Variants in ZBTB3 observed in about 807,000 individuals in gnomAD.
ZBTB3 encodes the protein zinc finger and BTB domain containing 3.
A neutral mutation model predicts 30.6 loss-of-function variants in ZBTB3; 15 were observed. That is an observed-to-expected ratio of 0.49 (90% CI 0.33 to 0.75). The LOEUF is 0.75. ZBTB3 is among the 30% of genes least tolerant of loss of function. ZBTB3 has a pLI of 0.02. For synonymous variants in ZBTB3, 258 were observed against 261.7 expected (o/e 0.99, Z 0.14); for missense variants, 599 against 652.1 (o/e 0.92, Z 0.89).
chr11:62,753,302 G>T lies in ZBTB3; in HGVS notation c.363C>A (p.Ala121=), dbSNP rs755510964. 101 of 1,613,988 alleles carry T rather than the reference G, an allele frequency of 6.3e-5. No homozygotes were observed. Among genetic ancestry groups the T allele is most frequent in the Non-Finnish European group, 8.6e-5 (101 of 1,180,036 alleles). The change falls in exon 2 of 2, where the codon GCC becomes GCA. Residue 121 remains alanine (A), a synonymous_variant. Transcript: ENST00000394807. ...IVKVCKRRLQ[A]RALAEADSTK... is the part of the protein sequence containing the mutation. Reference sequence around the variant, plus strand: ...TACTGTCTGCCTCTGCCAGGGCCCGGGCTTGAAGCCGCCGCTTACACACCT... The same window carrying T: ...TACTGTCTGCCTCTGCCAGGGCCCGTGCTTGAAGCCGCCGCTTACACACCT...
Position 62,752,060 on chromosome 11 carries a change from A to G in ZBTB3, c.*30T>C, listed in dbSNP as rs1376940893. 1.3e-6 allele frequency: 2 copies of G among 1,551,834 alleles called. No homozygotes were observed. The highest frequency in any genetic ancestry group is 1.9e-5 in the Admixed American group (1 of 53,230). On this transcript the variant is annotated 3_prime_UTR_variant, in exon 2 of 2. Coordinates refer to ENST00000394807, the MANE Select transcript of ZBTB3 (RefSeq NM_001370809.1). ...TTCTGAGCTGCCATCTAAGGATGGT[A>G]AGAGCAGCCTAGCATCAGCTCATGC...
rs2084028550 is a variant in ZBTB3 at position 62,752,884 on chromosome 11, G to C, written c.781C>G (p.Pro261Ala). The C allele has an allele frequency of 1.2e-6, 2 of 1,614,102 alleles. No homozygotes were observed. Among genetic ancestry groups the C allele is most frequent in the Non-Finnish European group, 8.5e-7 (1 of 1,180,010 alleles). Residue 261 changes from proline (P) to alanine (A), a missense_variant, in exon 2 of 2, where the codon CCA (proline) becomes GCA (alanine). Coordinates refer to ENST00000394807, the MANE Select transcript of ZBTB3 (RefSeq NM_001370809.1). ...TGCAGTGGTCCTCCAGGATCCTTTG[G>C]TTCCACCACCCTCAGACTCTCAGGA... ...VGPESLRVVE[P>A]KDPGGPLQGF...
rs937880790 is a variant in ZBTB3, at chr11:62,752,411, A to C, written c.1254T>G (p.Thr418=). 3 of 1,614,088 alleles carry C rather than the reference A, an allele frequency of 1.9e-6. No individual in the cohort carries two copies. In the African/African-American group the frequency reaches 4.0e-5, roughly 22 times the overall value. The change falls in exon 2 of 2, where the codon ACT becomes ACG. Residue 418 remains threonine (T), a synonymous_variant. Transcript: ENST00000394807. The part of the protein sequence containing the change: ...EAAPGSFGVF[T]EDVPTCKTCG... ...ATGTCTTGCAGGTGGGAACATCCTC[A>C]GTAAAAACCCCAAAGCTTCCTGGAG...
rs1287547783 is a variant in ZBTB3 at position 62,754,043 on chromosome 11, T to C, written c.-131A>G. ...GCCAGGCGATGCCTCTACGCCCCAC[T>C]TCGAGAACTCCCTAAGCATCTCCCT... On this transcript the variant is annotated 5_prime_UTR_variant, in exon 1 of 2. Coordinates refer to ENST00000394807, the MANE Select transcript of ZBTB3 (RefSeq NM_001370809.1). 6.2e-7 allele frequency: 1 copy of C among 1,613,982 alleles called. No individual in the cohort carries two copies. Among genetic ancestry groups the C allele is most frequent in the South Asian group, 1.1e-5 (1 of 91,060 alleles).
rs769507305 is a variant in ZBTB3, at chr11:62,753,143, A to G, written c.522T>C (p.Ser174=). The change falls in exon 2 of 2, where the codon TCT becomes TCC. Residue 174 remains serine, a synonymous_variant. Transcript: ENST00000394807. The stretch of plus-strand genomic sequence containing the variant: ...GACGGACAGTAGGTGAGGGAGCAGC[A>G]GAGCCTTTCCATTCCCCTTTGCCCC... ...GHWGKGEWKG[S]AAPSPTVRPP... The G allele has an allele frequency of 1.2e-4, 189 of 1,614,092 alleles. No homozygotes were observed. In the South Asian group the frequency reaches 1.9e-3, roughly 17 times the overall value.
intron 1 of ZBTB3, 89 bp downstream of exon 1, chr11:62,753,875 T>A (rs752563220): frequency 9.5e-6 from 15 of 1,578,468 alleles, no homozygotes; most frequent in Non-Finnish European, 1.3e-5. Flanking sequence ...CACCTCGGCC[T>A]AACCTTAGAA....
At position 62,754,099 on chromosome 11, in the gene ZBTB3, G is replaced by T. The variant is rs1046009494; in HGVS notation, c.-187C>A. The T allele has an allele frequency of 1.2e-6, 2 of 1,604,644 alleles. No homozygotes were observed. Among genetic ancestry groups the T allele is most frequent in the African/African-American group, 1.3e-5 (1 of 74,842 alleles). ...ATTCCAGGGGCTAAGGACTACCAGG[G>T]TGGGAACTAGCGGAGAAAGCTGATA... is the stretch of plus-strand genomic sequence containing the variant. On this transcript the variant is annotated 5_prime_UTR_variant, in exon 1 of 2. Transcript: ENST00000394807.
In ZBTB3 at chr11:62,752,768, A is replaced by G. The variant is rs2134843243; in HGVS notation, c.897T>C (p.Ala299=). Residue 299 remains alanine (A), a synonymous_variant, in exon 2 of 2, where the codon GCT becomes GCC. Coordinates refer to ENST00000394807, the MANE Select transcript of ZBTB3 (RefSeq NM_001370809.1). The part of the protein sequence containing the change: ...VPSQAPAPAE[A]ELVQVKVEAI... ...CTTCAACTTTCACCTGGACCAGCTCAGCTTCAGCTGGGGCTGGAGCCTGGG... is the reference window on the plus strand; with the variant it reads ...CTTCAACTTTCACCTGGACCAGCTCGGCTTCAGCTGGGGCTGGAGCCTGGG... The G allele has an allele frequency of 1.2e-6, 2 of 1,613,002 alleles. No homozygotes were observed. The highest frequency in any genetic ancestry group is 2.2e-5 in the East Asian group (1 of 44,868).
chr11:62,752,246 G>T lies in ZBTB3; in HGVS notation c.1419C>A (p.His473Gln), dbSNP rs1372204139. 6.2e-7 allele frequency: 1 copy of T among 1,614,244 alleles called. No individual in the cohort carries two copies. Among genetic ancestry groups the T allele is most frequent in the Admixed American group, 1.7e-5 (1 of 60,020 alleles). ...TGCTGCGTTTGGCCAGGTCCTCATT[G>T]TGAGCCTTGCGGATGTGGCGGTAGA... ...GDLYRHIRKA[H>Q]NEDLAKRSKP... The change falls in exon 2 of 2, where the codon CAC becomes CAA. Residue 473 changes from histidine (H) to glutamine (Q), a missense_variant. Physicochemically the swap from His to Gln is conservative, Grantham distance 24. Coordinates refer to ENST00000394807, the MANE Select transcript of ZBTB3 (RefSeq NM_001370809.1).
In ZBTB3 at chr11:62,752,138, A is replaced by G. The variant is rs1481622355; in HGVS notation, c.1527T>C (p.Gly509=). 1 of 1,613,652 alleles carries G rather than the reference A, an allele frequency of 6.2e-7. No homozygotes were observed. Among genetic ancestry groups the G allele is most frequent in the African/African-American group, 1.3e-5 (1 of 74,992 alleles). Reference sequence around the variant, plus strand: ...ATACAAAATCTTTAGGTGGCCCTCCACCACTGCTGCTCTGTCTGTCTGCTG... The same window carrying G: ...ATACAAAATCTTTAGGTGGCCCTCCGCCACTGCTGCTCTGTCTGTCTGCTG... ...SPTADRQSSS[G]GGPPKDFVLA... Residue 509 remains glycine, a synonymous_variant, in exon 2 of 2, where the codon GGT becomes GGC. Coordinates refer to ENST00000394807, the MANE Select transcript of ZBTB3 (RefSeq NM_001370809.1).
At position 62,751,947 on chromosome 11, in the gene ZBTB3, G is replaced by T. The variant is rs1226515564; in HGVS notation, c.*143C>A. 3 of 798,756 alleles carry T rather than the reference G, an allele frequency of 3.8e-6. No individual in the cohort carries two copies. Among genetic ancestry groups the T allele is most frequent in the African/African-American group, 3.6e-5 (2 of 56,062 alleles). 49.5% of individuals were successfully genotyped at this position (798,756 alleles called of 1,614,324 possible). On this transcript the variant is annotated 3_prime_UTR_variant, in exon 2 of 2. Transcript: ENST00000394807. ...GAGACTCTGTCTCAAAAAAATAAAA[G>T]ATTAAAAAAAAAAAAGGGTAGGAAC...
Position 62,752,972 on chromosome 11 carries a change from T to C in ZBTB3, c.693A>G (p.Thr231=). The C allele has an allele frequency of 6.2e-7, 1 of 1,614,124 alleles. No individual in the cohort carries two copies. The highest frequency in any genetic ancestry group is 8.5e-7 in the Non-Finnish European group (1 of 1,180,010). ...CTGAGATGCCAGAAGAGAAGTAGTT[T>C]GTAGGAATGGTCTCAGTGGAGCTAC... The part of the protein sequence containing the change: ...SPSSSTETIP[T]NYFSSGISAV... Residue 231 remains threonine (T), a synonymous_variant, in exon 2 of 2, where the codon ACA becomes ACG. Coordinates refer to ENST00000394807, the MANE Select transcript of ZBTB3 (RefSeq NM_001370809.1).
In ZBTB3 at chr11:62,753,265, C is replaced by T. The variant is rs2084033619; in HGVS notation, c.400G>A (p.Glu134Lys). Residue 134 changes from glutamate to lysine, a missense_variant, in exon 2 of 2, where the codon GAG becomes AAG. Glu to Lys is a moderately conservative substitution (Grantham distance 56). Coordinates refer to ENST00000394807, the MANE Select transcript of ZBTB3 (RefSeq NM_001370809.1). The part of the protein sequence containing the change: ...LAEADSTKKE[E>K]ETNSQLPSLE... ...CTAGGAAGCTGTGAGTTGGTTTCCT[C>T]CTCCTTCTTGGTACTGTCTGCCTCT... 4 of 1,613,948 alleles carry T rather than the reference C, an allele frequency of 2.5e-6. No homozygotes were observed. Among genetic ancestry groups the T allele is most frequent in the Non-Finnish European group, 3.4e-6 (4 of 1,180,022 alleles).
In ZBTB3 at chr11:62,752,837, T is replaced by G; in HGVS notation, c.828A>C (p.Ser276=). The G allele has an allele frequency of 6.2e-7, 1 of 1,614,046 alleles. No individual in the cohort carries two copies. Among genetic ancestry groups the G allele is most frequent in the Non-Finnish European group, 8.5e-7 (1 of 1,179,990 alleles). Residue 276 remains serine (S), a synonymous_variant, in exon 2 of 2, where the codon TCA becomes TCC. Coordinates refer to ENST00000394807, the MANE Select transcript of ZBTB3 (RefSeq NM_001370809.1). Reference sequence around the variant, plus strand: ...CAGGGGCTGGGGCTGACGTTGGGGCTGAGGCTGGGGGATAGAAGCCTTGCA... The same window carrying G: ...CAGGGGCTGGGGCTGACGTTGGGGCGGAGGCTGGGGGATAGAAGCCTTGCA... The part of the protein sequence containing the change: ...GPLQGFYPPA[S]APTSAPAPVS...
In ZBTB3 at chr11:62,753,499, G is replaced by A. The variant is rs72929468; in HGVS notation, c.166C>T (p.Arg56Trp). The stretch of plus-strand genomic sequence containing the variant: ...ACCAGATCCCTCTTGTCCAATTCCC[G>A]CTCCTTGTAGAAAAGCTGGAAGAAT... Reference protein sequence around the residue: ...SPFFQLFYKERELDKRDLVCI... With the variant: ...SPFFQLFYKEWELDKRDLVCI... The change falls in exon 2 of 2, where the codon CGG becomes TGG. Residue 56 changes from arginine to tryptophan, a missense_variant. Physicochemically the swap from Arg to Trp is moderately radical, Grantham distance 101. Coordinates refer to ENST00000394807, the MANE Select transcript of ZBTB3 (RefSeq NM_001370809.1). 181 of 1,614,172 alleles carry A rather than the reference G, an allele frequency of 1.1e-4. No homozygotes were observed. Among genetic ancestry groups the A allele is most frequent in the Middle Eastern group, 3.3e-4 (2 of 6,062 alleles).
chr11:62,753,418 T>G lies in ZBTB3; in HGVS notation c.247A>C (p.Met83Leu). The change falls in exon 2 of 2, where the codon ATG becomes CTG. Residue 83 changes from methionine (M) to leucine (L), a missense_variant. By Grantham distance (15) the Met-to-Leu change is conservative (BLOSUM62 2). Coordinates refer to ENST00000394807, the MANE Select transcript of ZBTB3 (RefSeq NM_001370809.1). ...APAFGLLLDFMYAGQLTLRGD... is the reference protein window; with the variant it reads ...APAFGLLLDFLYAGQLTLRGD... ...CTCAGGGTCAGCTGGCCAGCATACA[T>G]AAAGTCCAGAAGCAGCCCAAAGGCT... The G allele has an allele frequency of 6.2e-7, 1 of 1,614,144 alleles. No homozygotes were observed. Among genetic ancestry groups the G allele is most frequent in the Non-Finnish European group, 8.5e-7 (1 of 1,180,008 alleles).
In ZBTB3 at chr11:62,751,382, T is replaced by A. The variant is rs1234457476; in HGVS notation, c.*708A>T. On this transcript the variant is annotated 3_prime_UTR_variant, in exon 2 of 2. Coordinates refer to ENST00000394807, the MANE Select transcript of ZBTB3 (RefSeq NM_001370809.1). ...ACTTTGGGAGGCTGAGGCGGGTGGA[T>A]CACGAGGTCAGGAGATCGAGACCAT... The A allele has an allele frequency of 6.6e-6, 1 of 151,034 alleles. No individual in the cohort carries two copies. The highest frequency in any genetic ancestry group is 1.5e-5 in the Non-Finnish European group (1 of 67,874). The allele number at this position is 151,034 out of a possible 1,614,324, so 9.4% of individuals were successfully genotyped here. A position where few individuals can be genotyped will look rare whatever the true frequency, so the allele number is the denominator to read the frequency against.
chr11:62,754,113 A>T lies in ZBTB3; in HGVS notation c.-201T>A. Reference sequence around the variant, plus strand: ...GGACTACCAGGGTGGGAACTAGCGGAGAAAGCTGATACCTCACCCACCACC... The same window carrying T: ...GGACTACCAGGGTGGGAACTAGCGGTGAAAGCTGATACCTCACCCACCACC... On this transcript the variant is annotated 5_prime_UTR_variant, in exon 1 of 2. Transcript: ENST00000394807. 6.3e-7 allele frequency: 1 copy of T among 1,581,440 alleles called. No homozygotes were observed. The highest frequency in any genetic ancestry group is 8.7e-7 in the Non-Finnish European group (1 of 1,150,588).
rs1321213093 is a variant in ZBTB3, at chr11:62,754,117, A to G, written c.-205T>C. 2.6e-6 allele frequency: 4 copies of G among 1,555,520 alleles called. No individual in the cohort carries two copies. The African/African-American group carries it at 5.4e-5, about 21-fold the overall frequency. On this transcript the variant is annotated 5_prime_UTR_variant, in exon 1 of 2. Coordinates refer to ENST00000394807, the MANE Select transcript of ZBTB3 (RefSeq NM_001370809.1). The stretch of plus-strand genomic sequence containing the variant: ...TACCAGGGTGGGAACTAGCGGAGAA[A>G]GCTGATACCTCACCCACCACCGAGC...
Sources: gnomAD v4.1 joint callset for allele counts on GRCh38, gnomAD v4.1.1 for gene constraint, MANE v1.5 for transcripts, NCBI Gene and HGNC (gene_info 2026-07-23, HGNC 2026-07-21) for gene names.